HIVEP1: variants seen among roughly 807,000 people sequenced by gnomAD.
HIVEP1 encodes the protein zinc finger protein 40.
In HIVEP1, 36 loss-of-function variants were observed where a neutral mutation model predicts 180.0. That is an observed-to-expected ratio of 0.20 (90% CI 0.15 to 0.26). The LOEUF (loss-of-function observed/expected upper bound fraction) is 0.26, where lower values mean the gene tolerates loss of function less well. Among genes scored for constraint, HIVEP1 ranks in the 10% least tolerant of loss-of-function variants. HIVEP1 has a pLI of 1.00. For missense variants in HIVEP1, 3,143 were observed against 3,268.7 expected, an observed-to-expected ratio of 0.96 and a Z score of 0.94; for synonymous variants, 1,239 against 1,239.0, an observed-to-expected ratio of 1.00 and a Z score of 0.00.
Position 12,123,355 on chromosome 6 carries a change from C to A in HIVEP1, c.3560C>A (p.Ser1187Tyr). The change falls in exon 4 of 9, where the codon TCT becomes TAT. Residue 1187 changes from serine to tyrosine, a missense_variant. Around this residue, in one of 12 missense-constraint regions of HIVEP1, gnomAD observed 1,357 missense variants for 1,260.5 expected, o/e 1.08. Transcript: ENST00000379388. Reference sequence around the variant, plus strand: ...ATCTCCCAAGAGGAAAGTCACCCTTCTCGGGACGGGTCTCATCCTCACCAG... The same window carrying A: ...ATCTCCCAAGAGGAAAGTCACCCTTATCGGGACGGGTCTCATCCTCACCAG... Reference protein sequence around the residue: ...IGISQEESHPSRDGSHPHQLA... With the variant: ...IGISQEESHPYRDGSHPHQLA... 1.2e-6 allele frequency: 2 copies of A among 1,614,186 alleles called. No homozygotes were observed. Among genetic ancestry groups the A allele is most frequent in the Non-Finnish European group, 1.7e-6 (2 of 1,180,036 alleles).
chr6:12,167,647 A>ATGTTATATTATATG (rs1562023646), downstream of HIVEP1, among the ~76,000 whole-genome samples: 1 of 95,266 alleles, frequency 1.0e-5, no homozygotes, highest in Non-Finnish European at 1.9e-5. Flanking sequence ...ATACATATAC[A>ATGTTATATTATATG]TATATATGTT....
At chr6:12,042,706 A>G (rs1347436780) in intron 2 of HIVEP1, among the ~76,000 whole-genome samples, 1 of 152,110 alleles carries the variant, frequency 6.6e-6, no homozygotes, top group African/African-American at 2.4e-5. Context: ...TTTCTAATAG[A>G]AATAGGTTTA....
chr6:12,203,205 G>A, the HIVEP1 span, among the ~76,000 whole-genome samples: 1 of 152,182 alleles, frequency 6.6e-6, no homozygotes, highest in Non-Finnish European at 1.5e-5. Context: ...TGTGGCAGCT[G>A]GAAATGACCT....
chr6:12,033,395 T>C (rs1769082077), intron 2 of HIVEP1, among the ~76,000 whole-genome samples: 1 of 151,960 alleles, frequency 6.6e-6, no homozygotes, highest in South Asian at 2.1e-4. Context: ...GACAGTAGCA[T>C]TGTTATGTCG....
intron 7 of HIVEP1, among the ~76,000 whole-genome samples, chr6:12,136,702 A>G (rs1175323078): frequency 6.6e-6 from 1 of 152,168 alleles, no homozygotes; most frequent in African/African-American, 2.4e-5. Flanking sequence ...TTACTTCTCC[A>G]AAGTGTTTAT....
chr6:12,065,249 G>T (rs1275770104), intron 2 of HIVEP1, among the ~76,000 whole-genome samples: 1 of 152,164 alleles, frequency 6.6e-6, no homozygotes, highest in Non-Finnish European at 1.5e-5. Context: ...TGGGACCTGG[G>T]ATAGGAGAAT....
chr6:12,051,768 T>C (rs1186526133), intron 2 of HIVEP1, among the ~76,000 whole-genome samples: 1 of 152,212 alleles, frequency 6.6e-6, no homozygotes, highest in Non-Finnish European at 1.5e-5. Context: ...TTTTTGTTTC[T>C]TTTTATATAA....
intron 2 of HIVEP1, among the ~76,000 whole-genome samples, chr6:12,084,738 T>C (rs1773003204): frequency 6.6e-6 from 1 of 152,136 alleles, no homozygotes; most frequent in African/African-American, 2.4e-5. Flanking sequence ...CATTAGGATT[T>C]ACTTCATAAA....
chr6:12,148,389 A>G (rs1442570382), intron 7 of HIVEP1, among the ~76,000 whole-genome samples: 1 of 152,230 alleles, frequency 6.6e-6, no homozygotes. Flanking sequence ...GAAGTGAGCC[A>G]CTATGTAAAG....
chr6:12,138,476 A>T (rs1250776525), intron 7 of HIVEP1, among the ~76,000 whole-genome samples: 1 of 152,230 alleles, frequency 6.6e-6, no homozygotes, highest in Non-Finnish European at 1.5e-5. Flanking sequence ...CTGCAGCATG[A>T]TGCTGTGTCT....
chr6:12,043,630 G>A (rs1769925565), intron 2 of HIVEP1, among the ~76,000 whole-genome samples: 1 of 152,152 alleles, frequency 6.6e-6, no homozygotes, highest in Non-Finnish European at 1.5e-5. Context: ...GCCTCCCAAA[G>A]TGCTGGGATT....
At chr6:12,039,278 C>T (rs186320406) in intron 2 of HIVEP1, 172 of 152,348 alleles carry the variant, frequency 1.1e-3, no homozygotes, top group African/African-American at 4.0e-3. Flanking sequence ...TGCCACCTAA[C>T]TTTTCTCTAC....
At chr6:12,091,186 T>G (rs978781152) in intron 3 of HIVEP1, among the ~76,000 whole-genome samples, 4 of 152,160 alleles carry the variant, frequency 2.6e-5, no homozygotes, top group African/African-American at 9.6e-5. Context: ...GATACCTATT[T>G]TATTTTAAAG....
intron 3 of HIVEP1, among the ~76,000 whole-genome samples, chr6:12,119,269 G>A (rs1291475451): frequency 6.6e-6 from 1 of 152,236 alleles, no homozygotes; most frequent in Admixed American, 6.5e-5. Context: ...AGTCCCTTGA[G>A]CAGGCACAGT....
chr6:12,058,834 A>G (rs1193859610), intron 2 of HIVEP1, among the ~76,000 whole-genome samples: 1 of 152,194 alleles, frequency 6.6e-6, no homozygotes, highest in Non-Finnish European at 1.5e-5. Flanking sequence ...GCATGCATGT[A>G]TGCATGTAAA....
At position 12,036,653 on chromosome 6, in the gene HIVEP1, C is replaced by T. The variant is rs374877185; in HGVS notation, c.40+20985C>T. On this transcript the variant is annotated intron_variant, in intron 2 of 8. Transcript: ENST00000379388. ...GTGCTGTGGCTCACGCCTGTAATCC[C>T]AGTATTTTGGGAAGCTGAAGCAGGT... 5.9e-5 allele frequency among the ~76,000 whole-genome samples: 9 copies of T among 152,316 alleles called. No individual in the cohort carries two copies. The East Asian group carries it at 9.6e-4, about 16-fold the overall frequency.
At chr6:12,157,297 A>G (rs188215148) in intron 7 of HIVEP1, among the ~76,000 whole-genome samples, 4 of 152,198 alleles carry the variant, frequency 2.6e-5, no homozygotes, top group Admixed American at 2.6e-4. Flanking sequence ...TATGTGTTAG[A>G]CCACCCCTTT....
chr6:12,169,162 C>T (rs1001428999), downstream of HIVEP1, among the ~76,000 whole-genome samples: 1 of 152,226 alleles, frequency 6.6e-6, no homozygotes, highest in Admixed American at 6.5e-5. Context: ...GCTGAGATTA[C>T]AGGCATGAGC....
chr6:12,112,130 T>A (rs1774936067), intron 3 of HIVEP1, among the ~76,000 whole-genome samples: 1 of 152,186 alleles, frequency 6.6e-6, no homozygotes, highest in African/African-American at 2.4e-5. Flanking sequence ...CTGAAAAAAA[T>A]CTTGCTATGG....
Sources: gnomAD v4.1 joint callset for allele counts (sites outside exome capture counted in the v4.1 genomes callset) on GRCh38, gnomAD v4.1.1 for gene constraint, gnomAD v4.1.1 regional missense constraint, MANE v1.5 for transcripts, NCBI Gene and HGNC (gene_info 2026-07-23, HGNC 2026-07-21) for gene names.